The following SORCS1 variants were observed in gnomAD, a reference collection of about 807,000 sequenced individuals.
SORCS1 encodes VPS10 domain-containing receptor SorCS1.
A neutral mutation model predicts 146.1 loss-of-function variants in SORCS1; 60 were observed. The observed-to-expected ratio is 0.41, with a 90% confidence interval of 0.33 to 0.51. The LOEUF (loss-of-function observed/expected upper bound fraction) is 0.51, where lower values mean the gene tolerates loss of function less well. Ranked by LOEUF, SORCS1 falls within the 20% of genes least tolerant of loss-of-function variation. The pLI, the probability that SORCS1 is intolerant of heterozygous loss-of-function variation, is 0.21. For synonymous variants in SORCS1, 637 were observed against 584.0 expected, an observed-to-expected ratio of 1.09 and a Z score of -1.31; for missense variants, 1,352 against 1,487.6, an observed-to-expected ratio of 0.91 and a Z score of 1.50.
intron 2 of SORCS1, among the ~76,000 whole-genome samples, chr10:106,831,810 A>G (rs140078004): frequency 2.0e-5 from 3 of 152,338 alleles, no homozygotes; most frequent in Admixed American, 2.0e-4. Context: ...GCTGAGGAAC[A>G]AAGTACTACG....
intron 1 of SORCS1, among the ~76,000 whole-genome samples, chr10:107,108,679 T>C (rs67760981): frequency 0.17 from 26,552 of 152,046 alleles, 3,038 homozygotes; most frequent in East Asian, 0.36. Context: ...GTCCTTCTCA[T>C]ATTGCAAAAT....
At chr10:106,713,612 T>TA (rs1389703506) in intron 6 of SORCS1, among the ~76,000 whole-genome samples, 5 of 152,246 alleles carry the variant, frequency 3.3e-5, no homozygotes, top group Non-Finnish European at 7.3e-5. Flanking sequence ...CATGTTCACA[T>TA]AGCTATAGCA....
At chr10:106,984,160 A>T (rs1451349613) in intron 1 of SORCS1, among the ~76,000 whole-genome samples, 2 of 152,192 alleles carry the variant, frequency 1.3e-5, no homozygotes, top group African/African-American at 4.8e-5. Context: ...CCATAAAGAC[A>T]AGGACGTCCT....
intron 18 of SORCS1, among the ~76,000 whole-genome samples, chr10:106,649,345 G>T (rs1238789036): frequency 6.6e-6 from 1 of 152,126 alleles, no homozygotes; most frequent in African/African-American, 2.4e-5. Context: ...GCCCCTGTAT[G>T]CTCCCCTAGA....
At chr10:106,835,341 A>G (rs1292341414) in intron 2 of SORCS1, among the ~76,000 whole-genome samples, 1 of 152,240 alleles carries the variant, frequency 6.6e-6, no homozygotes, top group Non-Finnish European at 1.5e-5. Flanking sequence ...TGATTGGCAC[A>G]GAAGCAAACT....
rs566005287 is a variant in SORCS1 at position 106,649,119 on chromosome 10, G to A, written c.2475+3263C>T. ...TTGCACTCACTCTCCAAGCCCAGGTGTGATCCGATTCTTCCAGTGCACCAA... is the reference window on the plus strand; with the variant it reads ...TTGCACTCACTCTCCAAGCCCAGGTATGATCCGATTCTTCCAGTGCACCAA... On this transcript the variant is annotated intron_variant, in intron 18 of 25. Coordinates refer to ENST00000263054, the MANE Select transcript of SORCS1 (RefSeq NM_052918.5). 3.3e-4 allele frequency among the ~76,000 whole-genome samples: 51 copies of A among 152,294 alleles called. No homozygotes were observed. In the South Asian group the frequency reaches 5.8e-3, roughly 17 times the overall value.
At chr10:106,584,136 G>T (rs1043350290) in intron 24 of SORCS1, among the ~76,000 whole-genome samples, 2 of 152,160 alleles carry the variant, frequency 1.3e-5, no homozygotes, top group Admixed American at 1.3e-4. Flanking sequence ...AATCCATGTG[G>T]TCTGAAATAT....
intron 3 of SORCS1, among the ~76,000 whole-genome samples, chr10:106,820,483 G>C (rs986557469): frequency 1.3e-5 from 2 of 152,156 alleles, no homozygotes; most frequent in African/African-American, 4.8e-5. Flanking sequence ...TCAAGGGAAA[G>C]GTCAGGTCAG....
intron 24 of SORCS1, among the ~76,000 whole-genome samples, chr10:106,589,443 C>A (rs1474833308): frequency 6.6e-6 from 1 of 152,144 alleles, no homozygotes; most frequent in Non-Finnish European, 1.5e-5. Flanking sequence ...AACAAAGATA[C>A]AGGGTTTGAT....
chr10:106,720,915 T>C (rs940382367), intron 6 of SORCS1, among the ~76,000 whole-genome samples: 2 of 151,978 alleles, frequency 1.3e-5, no homozygotes, highest in East Asian at 3.9e-4. Context: ...GGCTTTTCAA[T>C]GCTGTGCTAG....
chr10:106,705,852 G>C (rs772869128), intron 8 of SORCS1, among the ~76,000 whole-genome samples: 2 of 152,144 alleles, frequency 1.3e-5, no homozygotes, highest in Non-Finnish European at 2.9e-5. Context: ...ACTTTTGTTT[G>C]CCTCTGTTTT....
Position 107,127,898 on chromosome 10 carries a change from T to C in SORCS1, c.558+36071A>G, listed in dbSNP as rs770250735. Among the ~76,000 whole-genome samples the C allele has an allele frequency of 7.2e-5, 11 of 152,246 alleles. 1 individual carries two copies. The highest frequency in any genetic ancestry group is 2.7e-4 in the African/African-American group (11 of 41,472). ...ACTTATCTCTTTCCTTTACTAGCTG[T>C]GTGAACTTTGGCCAGTAATGTATCA... On this transcript the variant is annotated intron_variant, in intron 1 of 25. Transcript: ENST00000263054.
chr10:106,701,812 A>C (rs375497160), intron 8 of SORCS1, among the ~76,000 whole-genome samples: 13 of 152,366 alleles, frequency 8.5e-5, no homozygotes, highest in African/African-American at 2.2e-4. Flanking sequence ...AATCTACAAA[A>C]TAGAGACAAG....
the SORCS1 span, among the ~76,000 whole-genome samples, chr10:107,176,359 G>C: frequency 3.3e-3 from 478 of 143,058 alleles, 4 homozygotes; most frequent in African/African-American, 0.012. Flanking sequence ...TTTGAAACGG[G>C]CTTTCCTGTC....
chr10:107,009,250 A>G (rs768257583), intron 1 of SORCS1, among the ~76,000 whole-genome samples: 4 of 152,252 alleles, frequency 2.6e-5, no homozygotes, highest in Admixed American at 1.3e-4. Flanking sequence ...TGACCCTTAT[A>G]AAAGCTATTC....
At chr10:106,696,128 T>C (rs1453608929) in intron 9 of SORCS1, among the ~76,000 whole-genome samples, 1 of 97,758 alleles carries the variant, frequency 1.0e-5, no homozygotes, top group South Asian at 4.2e-4. Context: ...TAGCACATAA[T>C]TGGCATGAAG....
At chr10:106,766,529 G>T (rs892701440) in intron 4 of SORCS1, among the ~76,000 whole-genome samples, 3 of 152,176 alleles carry the variant, frequency 2.0e-5, no homozygotes, top group African/African-American at 7.2e-5. Flanking sequence ...ATGTTCTGAT[G>T]CTCTGGTTCC....
Position 106,692,129 on chromosome 10 carries a change from C to T in SORCS1, c.1414-3791G>A, listed in dbSNP as rs190415086. 2.5e-3 allele frequency among the ~76,000 whole-genome samples: 382 copies of T among 152,304 alleles called. 4 individuals are homozygous for T. The highest frequency in any genetic ancestry group is 8.5e-3 in the African/African-American group (355 of 41,560). ...TGACCACAGCTCACTGCAGCCACGA[C>T]CTCCTGGGCTCAAGCGATCCTCCCA... On this transcript the variant is annotated intron_variant, in intron 9 of 25. Coordinates refer to ENST00000263054, the MANE Select transcript of SORCS1 (RefSeq NM_052918.5).
At chr10:106,734,842 T>A (rs544425206) in intron 5 of SORCS1, among the ~76,000 whole-genome samples, 146 of 152,298 alleles carry the variant, frequency 9.6e-4, no homozygotes, top group Middle Eastern at 6.8e-3. Flanking sequence ...TGGGGGAATA[T>A]TAATACCTAA....
Sources: allele counts gnomAD v4.1 joint callset (sites outside exome capture counted in the v4.1 genomes callset), GRCh38; gene constraint gnomAD v4.1.1; transcripts MANE v1.5; gene names NCBI Gene and HGNC (gene_info 2026-07-23, HGNC 2026-07-21).